Variants in ZC3H12B observed in about 807,000 individuals in gnomAD.
ZC3H12B encodes the protein probable ribonuclease ZC3H12B.
A neutral mutation model predicts 43.9 loss-of-function variants in ZC3H12B; 7 were observed. The ratio of observed to expected loss-of-function variants is 0.16; its 90% CI spans 0.09 to 0.30. ZC3H12B has a LOEUF of 0.30. Among genes scored for constraint, ZC3H12B ranks in the 10% least tolerant of loss-of-function variants. ZC3H12B has a pLI of 1.00. For missense variants in ZC3H12B, 475 were observed against 670.2 expected, an observed-to-expected ratio of 0.71 and a Z score of 3.22; for synonymous variants, 222 against 241.7, an observed-to-expected ratio of 0.92 and a Z score of 0.76.
intron 3 of ZC3H12B, among the ~76,000 whole-genome samples, chrX:65,469,839 C>A (rs6653145): frequency 9.0e-6 from 1 of 111,169 alleles, no homozygotes; most frequent in East Asian, 2.8e-4. Context: ...GGTGTGGACA[C>A]GTGCCTATAA....
the ZC3H12B span, among the ~76,000 whole-genome samples, chrX:65,229,940 C>G: frequency 9.0e-6 from 1 of 111,610 alleles, no homozygotes; most frequent in South Asian, 3.8e-4. Context: ...GTTGGTGGGA[C>G]AGTAAACTAG....
At chrX:65,255,552 G>T in the ZC3H12B span, among the ~76,000 whole-genome samples, 33 of 111,920 alleles carry the variant, frequency 2.9e-4, no homozygotes, top group Non-Finnish European at 9.4e-5. Context: ...GCTAAATATG[G>T]AAATGAAAGA....
chrX:65,064,357 G>C, the ZC3H12B span, among the ~76,000 whole-genome samples: 1 of 111,759 alleles, frequency 8.9e-6, no homozygotes, highest in Non-Finnish European at 1.9e-5. Flanking sequence ...TTGTGTCTTT[G>C]TTCTCATTGT....
intron 2 of ZC3H12B, among the ~76,000 whole-genome samples, chrX:65,397,331 G>A (rs1370466650): frequency 1.8e-5 from 2 of 111,670 alleles, no homozygotes; most frequent in East Asian, 5.6e-4. Context: ...TGCAGTGGTT[G>A]GTACCGATTT....
rs1164439626 is a variant in ZC3H12B at position 65,382,609 on chromosome X, C to T, written n.295+13611C>T. Among the ~76,000 whole-genome samples the T allele has an allele frequency of 9.0e-5, 10 of 111,271 alleles. No individual in the cohort carries two copies. The East Asian group carries it at 1.1e-3, about 12-fold the overall frequency. On this transcript the variant is annotated intron_variant and non_coding_transcript_variant, in intron 2 of 5. Transcript: ENST00000617377. ...TATTGGAAGTTCTGGCTAGGGCAAT[C>T]AGGCAGGAGAAGGAAATAAAGGGTA...
At chrX:65,432,477 C>T (rs978578406) in intron 3 of ZC3H12B, among the ~76,000 whole-genome samples, 1 of 111,773 alleles carries the variant, frequency 8.9e-6, no homozygotes, top group Non-Finnish European at 1.9e-5. Context: ...CCTCAAGCAC[C>T]TTTGCATCTG....
the ZC3H12B span, among the ~76,000 whole-genome samples, chrX:65,331,694 A>G: frequency 9.0e-6 from 1 of 110,728 alleles, no homozygotes; most frequent in African/African-American, 3.3e-5. Flanking sequence ...GAAGATATTT[A>G]TTATTACTTC....
At chrX:65,193,251 ATGTT>A in the ZC3H12B span, among the ~76,000 whole-genome samples, 1 of 110,672 alleles carries the variant, frequency 9.0e-6, no homozygotes, top group Non-Finnish European at 1.9e-5. Flanking sequence ...AGTTCTTTAA[ATGTT>A]TGGTGAGATT....
At chrX:65,345,511 A>C in the ZC3H12B span, among the ~76,000 whole-genome samples, 1 of 111,536 alleles carries the variant, frequency 9.0e-6, no homozygotes, top group East Asian at 2.8e-4. Context: ...ACGGGCAAAT[A>C]GACGGAAACA....
the ZC3H12B span, among the ~76,000 whole-genome samples, chrX:65,244,702 ACT>A: frequency 2.4e-5 from 2 of 84,007 alleles, no homozygotes; most frequent in African/African-American, 5.4e-5. Flanking sequence ...TGCACACCAG[ACT>A]CTGTGACAGA....
At chrX:65,466,434 T>C (rs1292732013) in intron 3 of ZC3H12B, among the ~76,000 whole-genome samples, 1 of 110,258 alleles carries the variant, frequency 9.1e-6, no homozygotes, top group Non-Finnish European at 1.9e-5. Flanking sequence ...GATAGATAAA[T>C]AGACAGATCT....
chrX:65,201,672 C>G, the ZC3H12B span, among the ~76,000 whole-genome samples: 1 of 99,922 alleles, frequency 1.0e-5, no homozygotes, highest in East Asian at 3.0e-4. Context: ...CTCTCTCTCT[C>G]TCTCTCTCCA....
At chrX:65,319,745 C>G in the ZC3H12B span, among the ~76,000 whole-genome samples, 1 of 111,050 alleles carries the variant, frequency 9.0e-6, no homozygotes, top group Non-Finnish European at 1.9e-5. Context: ...GTGCCTTATC[C>G]CTGGGATACA....
chrX:65,238,489 CTTCT>C, the ZC3H12B span, among the ~76,000 whole-genome samples: 9,019 of 110,480 alleles, frequency 0.082, 987 homozygotes, highest in African/African-American at 0.29. Flanking sequence ...TCTCTCTTTT[CTTCT>C]TTATTAGTCT....
In ZC3H12B at chrX:65,459,750, C is replaced by G. The variant is rs1400133029; in HGVS notation, n.408-28896C>G. On this transcript the variant is annotated intron_variant and non_coding_transcript_variant, in intron 3 of 5. Coordinates refer to the ZC3H12B transcript ENST00000617377. The stretch of plus-strand genomic sequence containing the variant: ...TTTATGACAACCCCACAGCCAATAT[C>G]ATACTGAATGGGCAAAAACTGGAAG... Among the ~76,000 whole-genome samples the G allele has an allele frequency of 2.7e-5, 3 of 111,714 alleles. No homozygotes were observed. In the Admixed American group the frequency reaches 2.9e-4, roughly 11 times the overall value.
chrX:65,445,967 C>T (rs946552365), intron 3 of ZC3H12B, among the ~76,000 whole-genome samples: 2 of 111,693 alleles, frequency 1.8e-5, no homozygotes, highest in Admixed American at 9.5e-5. Context: ...ACACCTGAAG[C>T]CATCCCAGTA....
chrX:65,234,629 GAAT>G, the ZC3H12B span, among the ~76,000 whole-genome samples: 1 of 111,963 alleles, frequency 8.9e-6, no homozygotes, highest in Non-Finnish European at 1.9e-5. Context: ...TCTACCAAAA[GAAT>G]AATAAAAAAA....
the ZC3H12B span, among the ~76,000 whole-genome samples, chrX:65,120,571 A>G: frequency 9.0e-6 from 1 of 111,496 alleles, no homozygotes; most frequent in Non-Finnish European, 1.9e-5. Context: ...GGTTTTCTAG[A>G]TATACAGTCA....
chrX:65,192,993 C>T, the ZC3H12B span, among the ~76,000 whole-genome samples: 1 of 110,615 alleles, frequency 9.0e-6, no homozygotes, highest in East Asian at 2.8e-4. Context: ...AGGATGGTGT[C>T]GAGCTCTTGA....
Sources: allele counts gnomAD v4.1 joint callset (sites outside exome capture counted in the v4.1 genomes callset), GRCh38; gene constraint gnomAD v4.1.1; transcripts MANE v1.5; gene names NCBI Gene and HGNC (gene_info 2026-07-23, HGNC 2026-07-21).